TRIM24: variants seen among roughly 807,000 people sequenced by gnomAD.
TRIM24 encodes the protein tripartite motif containing 24, also known as transcription intermediary factor 1-alpha.
A neutral mutation model predicts 123.9 loss-of-function variants in TRIM24; 29 were observed. That is an observed-to-expected ratio of 0.23 (90% CI 0.17 to 0.32). The LOEUF (loss-of-function observed/expected upper bound fraction) is 0.32. Among genes scored for constraint, TRIM24 ranks in the 10% least tolerant of loss-of-function variants. The pLI is 1.00. For missense variants in TRIM24, 932 were observed against 1,295.3 expected (o/e 0.72, Z 4.31); for synonymous variants, 456 against 461.1 (o/e 0.99, Z 0.14).
At chr7:138,583,394 C>T (rs1225170403) in intron 17 of TRIM24, among the ~76,000 whole-genome samples, 2 of 152,162 alleles carry the variant, frequency 1.3e-5, no homozygotes, top group African/African-American at 4.8e-5. Flanking sequence ...CTGAGGCAGG[C>T]AGATTGCTTG....
At chr7:138,571,147 T>C (rs1433204130) in intron 11 of TRIM24, 144 bp downstream of exon 11, 2 of 788,326 alleles carry the variant, frequency 2.5e-6, no homozygotes, top group Non-Finnish European at 2.0e-6. Context: ...CTGGCCAACA[T>C]GGTGAAACCC....
intron 6 of TRIM24, among the ~76,000 whole-genome samples, chr7:138,529,485 T>G (rs1267328282): frequency 6.6e-6 from 1 of 152,202 alleles, no homozygotes. Flanking sequence ...TAGGAGGATC[T>G]CTGAATGTTA....
intron 6 of TRIM24, among the ~76,000 whole-genome samples, chr7:138,530,265 C>T (rs1563048602): frequency 6.6e-6 from 1 of 151,586 alleles, no homozygotes; most frequent in African/African-American, 2.4e-5. Context: ...TTTAAGTTTC[C>T]AAAACTGCTT....
At chr7:138,530,001 G>A (rs1342376719) in intron 6 of TRIM24, among the ~76,000 whole-genome samples, 2 of 152,006 alleles carry the variant, frequency 1.3e-5, no homozygotes, top group African/African-American at 4.8e-5. Context: ...AATAATTTAG[G>A]TCATCCTTTT....
At chr7:138,508,700 C>CGCGCGCGCGCGTGTGTGGGTGTGT in intron 2 of TRIM24, among the ~76,000 whole-genome samples, 1 of 35,574 alleles carries the variant, frequency 2.8e-5, no homozygotes, top group East Asian at 7.2e-4. Flanking sequence ...TGTGCGCGCG[C>CGCGCGCGCGCGTGTGTGGGTGTGT]GTGTGTGCGT....
intron 4 of TRIM24, among the ~76,000 whole-genome samples, chr7:138,523,891 A>G (rs866789756): frequency 4.0e-4 from 61 of 152,298 alleles, no homozygotes; most frequent in Middle Eastern, 3.4e-3. Context: ...ATGGAAAATT[A>G]CAGGCCAGTC....
chr7:138,525,984 T>C (rs1190899555), intron 5 of TRIM24, among the ~76,000 whole-genome samples: 5 of 152,204 alleles, frequency 3.3e-5, no homozygotes, highest in African/African-American at 1.2e-4. Flanking sequence ...GGAGGTGTTG[T>C]CTAACCCCTT....
chr7:138,537,912 T>C (rs1796927406), intron 6 of TRIM24, among the ~76,000 whole-genome samples: 1 of 152,228 alleles, frequency 6.6e-6, no homozygotes, highest in Admixed American at 6.5e-5. Flanking sequence ...AGTCCTGTTT[T>C]CCTCCTTTTT....
rs570703661 is a variant in TRIM24 at position 138,507,584 on chromosome 7, A to G, written c.483+3176A>G. ...GTGGTCCACCCACCTCAGCCTCCCAAAGTGCTGGGATTACAGGCATAAGCC... is the reference window on the plus strand; with the variant it reads ...GTGGTCCACCCACCTCAGCCTCCCAGAGTGCTGGGATTACAGGCATAAGCC... On this transcript the variant is annotated intron_variant, in intron 2 of 18. Transcript: ENST00000343526. Among the ~76,000 whole-genome samples the G allele has an allele frequency of 2.6e-5, 4 of 151,446 alleles. No individual in the cohort carries two copies. The South Asian group carries it at 8.4e-4, about 32-fold the overall frequency.
At chr7:138,538,953 C>A in intron 7 of TRIM24, 150 bp downstream of exon 7, 1 of 657,072 alleles carries the variant, frequency 1.5e-6, no homozygotes, top group Non-Finnish European at 2.3e-6. Flanking sequence ...AATATTTTTA[C>A]CTGGCATAAT....
intron 11 of TRIM24, 66 bp downstream of exon 11, chr7:138,571,069 C>G: frequency 6.6e-7 from 1 of 1,511,738 alleles, no homozygotes; most frequent in South Asian, 1.2e-5. Flanking sequence ...GTGGCTCACT[C>G]CTGTAATCCC....
At chr7:138,547,485 C>T (rs1038992817) in intron 7 of TRIM24, among the ~76,000 whole-genome samples, 3 of 152,114 alleles carry the variant, frequency 2.0e-5, no homozygotes, top group Non-Finnish European at 2.9e-5. Flanking sequence ...ACATGCTGTA[C>T]ACAGAAACAT....
At chr7:138,551,632 A>AGGGTGTCTAGACTTAGGGATTT (rs1797215311) in intron 8 of TRIM24, among the ~76,000 whole-genome samples, 3 of 152,186 alleles carry the variant, frequency 2.0e-5, no homozygotes, top group African/African-American at 7.2e-5. Flanking sequence ...ATTGACTGAC[A>AGGGTGTCTAGACTTAGGGATTT]GGGTGTCTAG....
Position 138,554,427 on chromosome 7 carries a change from T to C in TRIM24, c.1262-271T>C, listed in dbSNP as rs1368348026. On this transcript the variant is annotated intron_variant, in intron 8 of 18. Coordinates refer to ENST00000343526, the MANE Select transcript of TRIM24 (RefSeq NM_015905.3). This position sits in a 1 kb window ranked among gnomAD's most constrained non-coding sequence, Gnocchi z 4.5. ...AATGTTTACCAAATATTTTACAATA[T>C]AGTTTTATAAAAGCATGTTGTTATG... Among the ~76,000 whole-genome samples the C allele has an allele frequency of 6.6e-6, 1 of 152,178 alleles. No homozygotes were observed. Among genetic ancestry groups the C allele is most frequent in the African/African-American group, 2.4e-5 (1 of 41,442 alleles).
intron 1 of TRIM24, among the ~76,000 whole-genome samples, chr7:138,472,551 G>A (rs189507314): frequency 3.9e-5 from 6 of 152,302 alleles, no homozygotes; most frequent in African/African-American, 1.2e-4. Flanking sequence ...AGTGGAACAA[G>A]GTTGAGAAGG....
At chr7:138,503,608 A>C (rs1796088578) in intron 1 of TRIM24, among the ~76,000 whole-genome samples, 1 of 149,612 alleles carries the variant, frequency 6.7e-6, no homozygotes, top group African/African-American at 2.5e-5. Context: ...ATTATATGGC[A>C]TCAAGTTTAT....
chr7:138,462,636 G>A (rs1795028265), intron 1 of TRIM24, among the ~76,000 whole-genome samples: 2 of 152,058 alleles, frequency 1.3e-5, no homozygotes, highest in Admixed American at 6.5e-5. Flanking sequence ...CACCGCGCCC[G>A]GCCAAAAATC....
At chr7:138,563,945 A>T (rs1048386953) in intron 9 of TRIM24, among the ~76,000 whole-genome samples, 1 of 152,160 alleles carries the variant, frequency 6.6e-6, no homozygotes, top group Non-Finnish European at 1.5e-5. Flanking sequence ...CTGAACGTTA[A>T]GTGTGCCTTC....
chr7:138,462,124 C>T (rs2116433612), intron 1 of TRIM24, among the ~76,000 whole-genome samples: 1 of 152,196 alleles, frequency 6.6e-6, no homozygotes, highest in Non-Finnish European at 1.5e-5. Context: ...TCCACCAGAG[C>T]AAAAGGCGGG....
Sources: gnomAD v4.1 joint callset for allele counts (sites outside exome capture counted in the v4.1 genomes callset) on GRCh38, gnomAD v4.1.1 for gene constraint, Gnocchi (gnomAD v3.1) non-coding constraint, MANE v1.5 for transcripts, NCBI Gene and HGNC (gene_info 2026-07-23, HGNC 2026-07-21) for gene names.